The following PSKH1 variants were observed in gnomAD, a reference collection of about 807,000 sequenced individuals.
PSKH1 encodes the protein protein serine kinase H1, also known as serine/threonine-protein kinase H1.
A neutral mutation model predicts 26.7 loss-of-function variants in PSKH1; 12 were observed. The ratio of observed to expected loss-of-function variants is 0.45; its 90% CI spans 0.29 to 0.73. The LOEUF is 0.73. PSKH1 is among the 30% of genes least tolerant of loss of function. The pLI is 0.11. For missense variants in PSKH1, 431 were observed against 595.2 expected, an observed-to-expected ratio of 0.72 and a Z score of 2.87; for synonymous variants, 213 against 234.3, an observed-to-expected ratio of 0.91 and a Z score of 0.83.
At chr16:67,905,197 G>A (rs2058152981) in intron 1 of PSKH1, among the ~76,000 whole-genome samples, 1 of 152,106 alleles carries the variant, frequency 6.6e-6, no homozygotes, top group African/African-American at 2.4e-5. Context: ...ACACAGATCT[G>A]AATGCCTCTT....
At chr16:67,913,651 A>G (rs1184409260) in intron 2 of PSKH1, among the ~76,000 whole-genome samples, 1 of 152,174 alleles carries the variant, frequency 6.6e-6, no homozygotes, top group African/African-American at 2.4e-5. Context: ...CCTCACCTCC[A>G]TGCAGAAAAG....
chr16:67,925,608 C>T (rs186070329), intron 2 of PSKH1, among the ~76,000 whole-genome samples: 16 of 152,258 alleles, frequency 1.1e-4, no homozygotes, highest in Middle Eastern at 3.4e-3. Context: ...TATGGGCCTT[C>T]GTTGGCTGCA....
intron 1 of PSKH1, among the ~76,000 whole-genome samples, chr16:67,900,940 A>G (rs1356768682): frequency 1.3e-5 from 2 of 152,092 alleles, no homozygotes; most frequent in African/African-American, 4.8e-5. Context: ...GGAACAGGAA[A>G]AGGCTCTGCT....
intron 1 of PSKH1, among the ~76,000 whole-genome samples, chr16:67,904,944 A>G (rs559530054): frequency 2.0e-5 from 3 of 148,148 alleles, no homozygotes; most frequent in Middle Eastern, 3.6e-3. Context: ...CTCCTGCCTC[A>G]GCCTCCCGAG....
At chr16:67,924,877 G>C (rs983047169) in intron 2 of PSKH1, among the ~76,000 whole-genome samples, 1 of 152,214 alleles carries the variant, frequency 6.6e-6, no homozygotes, top group African/African-American at 2.4e-5. Flanking sequence ...GGGGGCTACA[G>C]TGAATGTCTG....
At position 67,929,374 on chromosome 16, in the gene PSKH1, CT is replaced by C. The variant is rs2058229863; in HGVS notation, c.*1733del. ...ATCCTCCTACCGTCCCCAATGCCCC[CT>C]GGGCAGGAGGCAGTGGAGAACCAAG... On this transcript the variant is annotated 3_prime_UTR_variant, in exon 3 of 3. Transcript: ENST00000291041. The C allele has an allele frequency of 6.4e-6, 1 of 155,758 alleles. No individual in the cohort carries two copies. Among genetic ancestry groups the C allele is most frequent in the Non-Finnish European group, 1.4e-5 (1 of 70,120 alleles). The allele number at this position is 155,758 out of a possible 1,614,324, so 9.6% of individuals were successfully genotyped here. A position where few individuals can be genotyped will look rare whatever the true frequency, so the allele number is the denominator to read the frequency against.
In PSKH1 at chr16:67,913,739, T is replaced by C. The variant is rs1184766523; in HGVS notation, c.957+4033T>C. On this transcript the variant is annotated intron_variant, in intron 2 of 2. Coordinates refer to ENST00000291041, the MANE Select transcript of PSKH1 (RefSeq NM_006742.3). ...ACTCCTGATGTTCATACACATCCCCTGGAATCTCGTTAAAATGTAGATTCT... is the reference window on the plus strand; with the variant it reads ...ACTCCTGATGTTCATACACATCCCCCGGAATCTCGTTAAAATGTAGATTCT... Among the ~76,000 whole-genome samples, 3 of 152,256 alleles carry C rather than the reference T, an allele frequency of 2.0e-5. No homozygotes were observed. In the East Asian group the frequency reaches 5.8e-4, roughly 29 times the overall value.
chr16:67,926,689 T>G (rs2151315648), intron 2 of PSKH1, among the ~76,000 whole-genome samples: 1 of 152,088 alleles, frequency 6.6e-6, no homozygotes, highest in Middle Eastern at 3.4e-3. Flanking sequence ...CCTTTGTGGC[T>G]TAGAGAAGTA....
chr16:67,893,873 G>T (rs768691889), intron 1 of PSKH1, among the ~76,000 whole-genome samples: 8 of 152,196 alleles, frequency 5.3e-5, no homozygotes, highest in Non-Finnish European at 1.0e-4. Flanking sequence ...TCCTCTACCT[G>T]CAAGGGGAAG....
Position 67,908,948 on chromosome 16 carries a change from A to C in PSKH1, c.199A>C (p.Thr67Pro), listed in dbSNP as rs781187782. The change falls in exon 2 of 3, where the codon ACT becomes CCT. Residue 67 changes from threonine (T) to proline (P), a missense_variant. Transcript: ENST00000291041. ...TGCACACCCCTGCCCCGGTCCCCCGACTGCTGGCCACACGGAGCCTCCCTC... is the reference window on the plus strand; with the variant it reads ...TGCACACCCCTGCCCCGGTCCCCCGCCTGCTGGCCACACGGAGCCTCCCTC... ...QYAHPCPGPP[T>P]AGHTEPPSEP... 212 of 1,613,744 alleles carry C rather than the reference A, an allele frequency of 1.3e-4. 1 individual carries two copies. Among genetic ancestry groups the C allele is most frequent in the Non-Finnish European group, 2.1e-5 (25 of 1,179,868 alleles).
intron 1 of PSKH1, among the ~76,000 whole-genome samples, chr16:67,901,217 A>G (rs1449901263): frequency 2.6e-5 from 4 of 152,010 alleles, no homozygotes; most frequent in Non-Finnish European, 4.4e-5. Flanking sequence ...GCATCAGCCT[A>G]TCTTTACAGA....
In PSKH1 at chr16:67,927,863, C is replaced by T. The variant is rs2058222561; in HGVS notation, c.*221C>T. On this transcript the variant is annotated 3_prime_UTR_variant, in exon 3 of 3. Coordinates refer to ENST00000291041, the MANE Select transcript of PSKH1 (RefSeq NM_006742.3). This position sits in a 1 kb window ranked among gnomAD's most constrained non-coding sequence, Gnocchi z 5.5. ...GGTAGCACAGGGGGCTGTGACTCCC[C>T]CTGAACTGGGAGCCTGGCCTGGCAC... 2 of 594,978 alleles carry T rather than the reference C, an allele frequency of 3.4e-6. No homozygotes were observed. The highest frequency in any genetic ancestry group is 6.3e-5 in the Admixed American group (2 of 31,896). The allele number at this position is 594,978 out of a possible 1,614,324, so 36.9% of individuals were successfully genotyped here.
intron 1 of PSKH1, among the ~76,000 whole-genome samples, chr16:67,895,911 T>A (rs2151309476): frequency 6.6e-6 from 1 of 152,328 alleles, no homozygotes; most frequent in South Asian, 2.1e-4. Flanking sequence ...TTCTGAAATC[T>A]TGAGGTTCTC....
At chr16:67,904,406 A>G (rs1218958294) in intron 1 of PSKH1, among the ~76,000 whole-genome samples, 3 of 151,794 alleles carry the variant, frequency 2.0e-5, no homozygotes, top group South Asian at 2.1e-4. Flanking sequence ...GGGTTTTACC[A>G]TATTGGCCAG....
chr16:67,918,475 G>A (rs2058193611), intron 2 of PSKH1, among the ~76,000 whole-genome samples: 1 of 152,076 alleles, frequency 6.6e-6, no homozygotes, highest in South Asian at 2.1e-4. Flanking sequence ...CTACCTGGGT[G>A]ACAAGGGCTG....
chr16:67,896,553 T>G (rs2058127077), intron 1 of PSKH1, among the ~76,000 whole-genome samples: 1 of 147,284 alleles, frequency 6.8e-6, no homozygotes, highest in African/African-American at 2.5e-5. Context: ...TTTTTTTTTT[T>G]TTTTTTGAGA....
chr16:67,895,019 G>A (rs1170338555), intron 1 of PSKH1, among the ~76,000 whole-genome samples: 1 of 151,378 alleles, frequency 6.6e-6, no homozygotes, highest in African/African-American at 2.4e-5. Flanking sequence ...TACCCCCCAG[G>A]TTCAAGTGAT....
intron 1 of PSKH1, 146 bp from the exon 2 acceptor site, chr16:67,908,534 G>A: frequency 2.1e-6 from 1 of 485,008 alleles, no homozygotes; most frequent in Non-Finnish European, 3.7e-6. Context: ...TTCCCAAGGT[G>A]TTGGGATTAC....
chr16:67,922,988 C>A (rs1230676884), intron 2 of PSKH1, among the ~76,000 whole-genome samples: 2 of 152,234 alleles, frequency 1.3e-5, no homozygotes, highest in African/African-American at 2.4e-5. Flanking sequence ...CCAGGTGAGA[C>A]CGCTGGCAGT....
Sources: allele counts gnomAD v4.1 joint callset (sites outside exome capture counted in the v4.1 genomes callset), GRCh38; gene constraint gnomAD v4.1.1; non-coding constraint Gnocchi (gnomAD v3.1); transcripts MANE v1.5; gene names NCBI Gene and HGNC (gene_info 2026-07-23, HGNC 2026-07-21).